Variants in TP63 observed in about 807,000 individuals in gnomAD.
TP63 encodes the protein tumor protein p63.
Under a neutral mutation model 82.8 loss-of-function variants are expected in TP63, and 17 were observed. The observed-to-expected ratio is 0.21, with a 90% CI of 0.14 to 0.31. TP63 has a LOEUF of 0.31. TP63 is among the 10% of genes least tolerant of loss of function. TP63 has a pLI of 1.00. For missense variants in TP63, 648 were observed against 895.3 expected (o/e 0.72, Z 3.52); for synonymous variants, 330 against 321.7 (o/e 1.03, Z -0.28).
At chr3:189,884,804 C>T (rs1182910355) in intron 10 of TP63, among the ~76,000 whole-genome samples, 1 of 152,202 alleles carries the variant, frequency 6.6e-6, no homozygotes, top group Non-Finnish European at 1.5e-5. Flanking sequence ...AATTTATACA[C>T]ATTAAAATAC....
At chr3:189,771,805 C>T (rs894141400) in intron 3 of TP63, among the ~76,000 whole-genome samples, 11 of 152,088 alleles carry the variant, frequency 7.2e-5, no homozygotes, top group Non-Finnish European at 1.5e-4. Context: ...TTCACATCAA[C>T]ATTCAGCAAA....
At chr3:189,875,398 G>A (rs1577167325) in intron 10 of TP63, among the ~76,000 whole-genome samples, 1 of 150,252 alleles carries the variant, frequency 6.7e-6, no homozygotes, top group East Asian at 2.0e-4. Flanking sequence ...AAACCCCGTC[G>A]CTACTAAAAA....
the TP63 span, among the ~76,000 whole-genome samples, chr3:189,622,248 G>T: frequency 3.3e-5 from 5 of 152,212 alleles, no homozygotes; most frequent in African/African-American, 9.7e-5. Flanking sequence ...ACTGGACCAG[G>T]AAAGAGACAC....
chr3:189,801,977 G>T (rs1168380086), intron 3 of TP63, among the ~76,000 whole-genome samples: 1 of 152,150 alleles, frequency 6.6e-6, no homozygotes, highest in African/African-American at 2.4e-5. Context: ...TCTTCGGTTG[G>T]AAAGATGGTG....
chr3:189,828,048 C>A (rs73057235), intron 4 of TP63, among the ~76,000 whole-genome samples: 1 of 152,088 alleles, frequency 6.6e-6, no homozygotes, highest in Non-Finnish European at 1.5e-5. Flanking sequence ...CAAGACCAGC[C>A]TGGCTGATAT....
At chr3:189,700,423 C>T (rs890571863) in intron 1 of TP63, among the ~76,000 whole-genome samples, 5 of 152,216 alleles carry the variant, frequency 3.3e-5, no homozygotes, top group African/African-American at 1.2e-4. Context: ...TTGTTTCTCA[C>T]TATAGCACTA....
intron 3 of TP63, among the ~76,000 whole-genome samples, chr3:189,759,877 G>GGCCT (rs1206654014): frequency 6.6e-6 from 1 of 152,150 alleles, no homozygotes; most frequent in African/African-American, 2.4e-5. Context: ...AGTTCCACAT[G>GGCCT]GCCTGAGAGG....
intron 1 of TP63, among the ~76,000 whole-genome samples, chr3:189,636,668 A>G (rs1339108595): frequency 6.6e-6 from 1 of 152,174 alleles, no homozygotes; most frequent in Non-Finnish European, 1.5e-5. Context: ...AATATTAAAC[A>G]TTGAGATAAA....
chr3:189,818,735 C>A (rs1057153830), intron 4 of TP63, among the ~76,000 whole-genome samples: 1 of 151,986 alleles, frequency 6.6e-6, no homozygotes, highest in African/African-American at 2.4e-5. Flanking sequence ...AAAACTGTAT[C>A]TGATTGAATT....
chr3:189,698,774 C>T (rs1009870547), intron 1 of TP63, among the ~76,000 whole-genome samples: 7 of 152,074 alleles, frequency 4.6e-5, no homozygotes, highest in African/African-American at 1.7e-4. Flanking sequence ...TTGATCATAT[C>T]TAAACTATAT....
At chr3:189,769,304 AG>A (rs1336305116) in intron 3 of TP63, among the ~76,000 whole-genome samples, 2 of 152,214 alleles carry the variant, frequency 1.3e-5, no homozygotes, top group African/African-American at 4.8e-5. Flanking sequence ...ATAGAGTAGA[AG>A]TTTATTCTGG....
intron 1 of TP63, among the ~76,000 whole-genome samples, chr3:189,678,280 A>T (rs1175391338): frequency 6.6e-6 from 1 of 152,092 alleles, no homozygotes; most frequent in African/African-American, 2.4e-5. Flanking sequence ...ATAGTAAAAG[A>T]TGGAGAAGCA....
intron 13 of TP63, among the ~76,000 whole-genome samples, chr3:189,893,820 C>G (rs993687390): frequency 1.3e-5 from 2 of 152,198 alleles, no homozygotes; most frequent in Non-Finnish European, 2.9e-5. Flanking sequence ...CTCATCTCCT[C>G]AACCAAGTGG....
intron 4 of TP63, among the ~76,000 whole-genome samples, chr3:189,809,835 T>C (rs1014821235): frequency 6.6e-6 from 1 of 152,210 alleles, no homozygotes; most frequent in Non-Finnish European, 1.5e-5. Context: ...ACAAGTTTTA[T>C]AACTTCCACT....
At position 189,788,404 on chromosome 3, in the gene TP63, C is replaced by T. The variant is rs542288619; in HGVS notation, c.325-19868C>T. 5.3e-5 allele frequency among the ~76,000 whole-genome samples: 8 copies of T among 152,126 alleles called. No individual in the cohort carries two copies. The South Asian group carries it at 1.2e-3, about 24-fold the overall frequency. ...AGTAAAGGGGAGGCAAATCCGAAGT[C>T]GTGAACGTATTTGCAAACTTTGTTT... On this transcript the variant is annotated intron_variant, in intron 3 of 13. Transcript: ENST00000264731.
intron 1 of TP63, among the ~76,000 whole-genome samples, chr3:189,691,164 C>A (rs375992223): frequency 1.7e-4 from 26 of 151,578 alleles, no homozygotes; most frequent in African/African-American, 6.1e-4. Flanking sequence ...CATGGTGAAA[C>A]CCTGTCTCTA....
the TP63 span, among the ~76,000 whole-genome samples, chr3:189,609,679 C>T: frequency 1.3e-5 from 2 of 152,080 alleles, 1 homozygote; most frequent in South Asian, 4.1e-4. Context: ...AATACCTCCA[C>T]CTCCATTCAT....
intron 3 of TP63, among the ~76,000 whole-genome samples, chr3:189,765,121 C>T (rs964059133): frequency 6.6e-6 from 1 of 152,020 alleles, no homozygotes; most frequent in Non-Finnish European, 1.5e-5. Flanking sequence ...TAGATGCAGC[C>T]AGTTTCCCAT....
intron 4 of TP63, among the ~76,000 whole-genome samples, chr3:189,831,764 C>G (rs1252477824): frequency 2.0e-5 from 3 of 148,642 alleles, no homozygotes; most frequent in Non-Finnish European, 4.4e-5. Context: ...ACACATAGAG[C>G]TGGCAGTGTA....
Sources: allele counts gnomAD v4.1 joint callset (sites outside exome capture counted in the v4.1 genomes callset), GRCh38; gene constraint gnomAD v4.1.1; transcripts MANE v1.5; gene names NCBI Gene and HGNC (gene_info 2026-07-23, HGNC 2026-07-21).